The following SND1 variants were observed in gnomAD, a reference collection of about 807,000 sequenced individuals.
SND1 encodes staphylococcal nuclease domain-containing protein 1.
In SND1, 38 loss-of-function variants were observed where a neutral mutation model predicts 121.7. The observed-to-expected ratio is 0.31, with a 90% confidence interval of 0.24 to 0.41. SND1 has a LOEUF of 0.41. Among genes scored for constraint, SND1 ranks in the 10% least tolerant of loss-of-function variants. SND1 has a pLI of 1.00. For synonymous variants in SND1, 401 were observed against 447.4 expected, an observed-to-expected ratio of 0.90 and a Z score of 1.31; for missense variants, 868 against 1,184.6, an observed-to-expected ratio of 0.73 and a Z score of 3.92.
At chr7:128,080,481 T>G (rs1417216067) in intron 17 of SND1, among the ~76,000 whole-genome samples, 1 of 152,250 alleles carries the variant, frequency 6.6e-6, no homozygotes, top group African/African-American at 2.4e-5. Flanking sequence ...GGAAAGTTGC[T>G]GAGCAGAAGC....
chr7:127,714,029 G>C (rs1005340753), intron 9 of SND1, among the ~76,000 whole-genome samples: 4 of 151,882 alleles, frequency 2.6e-5, no homozygotes, highest in East Asian at 3.9e-4. Flanking sequence ...CCCTGTTCCT[G>C]CTGCTGGATC....
At position 127,887,871 on chromosome 7, in the gene SND1, A is replaced by C. The variant is rs769855120; in HGVS notation, c.1344-31A>C. The C allele has an allele frequency of 3.4e-6, 5 of 1,463,484 alleles. No individual in the cohort carries two copies. In the Middle Eastern group the frequency reaches 5.2e-4, roughly 153 times the overall value. The allele number at this position is 1,463,484 out of a possible 1,614,324, so 90.7% of individuals were successfully genotyped here. ...TTGACTGAGCCCCATATGCACTTCT[A>C]GTGCTCACTGACCTATCTTTTCTGT... On this transcript the variant is annotated intron_variant, in intron 12 of 23. Transcript: ENST00000354725.
chr7:127,754,901 G>A (rs1164378776), intron 10 of SND1, among the ~76,000 whole-genome samples: 2 of 152,194 alleles, frequency 1.3e-5, no homozygotes, highest in Non-Finnish European at 1.5e-5. Context: ...ACAGAGTATA[G>A]TATTCAAGTT....
At chr7:127,947,127 G>C (rs1231654298) in intron 15 of SND1, among the ~76,000 whole-genome samples, 3 of 152,180 alleles carry the variant, frequency 2.0e-5, no homozygotes, top group African/African-American at 7.2e-5. Flanking sequence ...TCAAATTCCA[G>C]ACCAACTGTG....
intron 16 of SND1, among the ~76,000 whole-genome samples, chr7:128,002,797 T>C (rs1311187896): frequency 2.0e-5 from 3 of 152,192 alleles, no homozygotes; most frequent in Non-Finnish European, 4.4e-5. Context: ...CAGTGCTCCT[T>C]TGTGTCTCCA....
chr7:127,767,577 C>T (rs2116491046), intron 10 of SND1, among the ~76,000 whole-genome samples: 1 of 152,266 alleles, frequency 6.6e-6, no homozygotes, highest in African/African-American at 2.4e-5. Flanking sequence ...GCTAAAATAG[C>T]TTGGCTTTTT....
At chr7:127,717,998 C>T (rs1796420112) in intron 9 of SND1, among the ~76,000 whole-genome samples, 1 of 152,164 alleles carries the variant, frequency 6.6e-6, no homozygotes, top group Non-Finnish European at 1.5e-5. Context: ...TTTCTTGACT[C>T]ATGGCAGCCC....
intron 1 of SND1, among the ~76,000 whole-genome samples, chr7:127,655,849 T>C (rs946417371): frequency 6.6e-6 from 1 of 152,182 alleles, no homozygotes. Flanking sequence ...TATGTTTACA[T>C]GTCTTGTCAA....
chr7:127,841,676 C>T (rs1798968437), intron 11 of SND1, among the ~76,000 whole-genome samples: 1 of 151,488 alleles, frequency 6.6e-6, no homozygotes, highest in South Asian at 2.1e-4. Context: ...GTGCAGCCCT[C>T]TCATTCCTTG....
chr7:127,788,881 T>C (rs530249561), intron 10 of SND1, among the ~76,000 whole-genome samples: 2 of 152,354 alleles, frequency 1.3e-5, no homozygotes, highest in South Asian at 4.1e-4. Context: ...CTTAGCTCAG[T>C]ATCATCTCAT....
intron 10 of SND1, among the ~76,000 whole-genome samples, chr7:127,739,326 A>T (rs1195662525): frequency 6.6e-6 from 1 of 152,204 alleles, no homozygotes; most frequent in Non-Finnish European, 1.5e-5. Context: ...CTCTTTCTAT[A>T]TGCCCTTTAC....
intron 16 of SND1, among the ~76,000 whole-genome samples, chr7:127,994,601 T>G (rs1047997690): frequency 5.4e-5 from 8 of 148,714 alleles, no homozygotes; most frequent in Admixed American, 4.7e-4. Context: ...AATTCAGTCT[T>G]TCTTTCTAGC....
At chr7:127,878,182 A>G (rs1799725219) in intron 12 of SND1, among the ~76,000 whole-genome samples, 1 of 152,174 alleles carries the variant, frequency 6.6e-6, no homozygotes, top group African/African-American at 2.4e-5. Flanking sequence ...ATTAGGATTC[A>G]TTAATGCACA....
At chr7:128,046,685 C>T (rs1406415546) in intron 16 of SND1, among the ~76,000 whole-genome samples, 1 of 152,058 alleles carries the variant, frequency 6.6e-6, no homozygotes, top group Non-Finnish European at 1.5e-5. Flanking sequence ...TTTAGAACTT[C>T]CATCCTCAAG....
rs1792549311 is a variant in SND1 at position 128,030,489 on chromosome 7, G to A, written c.1779+39433G>A. On this transcript the variant is annotated intron_variant, in intron 16 of 23. Coordinates refer to ENST00000354725, the MANE Select transcript of SND1 (RefSeq NM_014390.4). ...CACCTTGCTGAACTGGTTACTGCAC[G>A]AGCAGACGGAGGGGCAGTTCTGGGG... 32 of 1,613,472 alleles carry A rather than the reference G, an allele frequency of 2.0e-5. No individual in the cohort carries two copies. The East Asian group carries it at 5.6e-4, about 28-fold the overall frequency.
chr7:128,025,507 C>T (rs1296851700), intron 16 of SND1, among the ~76,000 whole-genome samples: 1 of 152,188 alleles, frequency 6.6e-6, no homozygotes, highest in Non-Finnish European at 1.5e-5. Context: ...TTACATCCAA[C>T]GTGTTGCTAT....
chr7:127,777,836 C>T (rs529784264), intron 10 of SND1, among the ~76,000 whole-genome samples: 6 of 152,180 alleles, frequency 3.9e-5, no homozygotes, highest in South Asian at 2.1e-4. Context: ...GCCACCTGCA[C>T]GTGTCTCTGA....
intron 10 of SND1, among the ~76,000 whole-genome samples, chr7:127,764,061 CA>C (rs1160121634): frequency 1.6e-5 from 2 of 128,220 alleles, no homozygotes; most frequent in East Asian, 2.1e-4. Context: ...AACAAAAAAA[CA>C]AAAAAACAAA....
chr7:128,056,109 T>A (rs1013104249), intron 16 of SND1, among the ~76,000 whole-genome samples: 12 of 152,254 alleles, frequency 7.9e-5, no homozygotes, highest in African/African-American at 2.9e-4. Context: ...ACAACATGCA[T>A]GTCTTTGTGA....
Sources: gnomAD v4.1 joint callset for allele counts (sites outside exome capture counted in the v4.1 genomes callset) on GRCh38, gnomAD v4.1.1 for gene constraint, MANE v1.5 for transcripts, NCBI Gene and HGNC (gene_info 2026-07-23, HGNC 2026-07-21) for gene names.